The following KCNK10 variants were observed in gnomAD, a reference collection of about 807,000 sequenced individuals.
The protein encoded by KCNK10 is potassium channel subfamily K member 10.
KCNK10 carries 25 observed loss-of-function variants against 47.7 expected under a neutral mutation model. The observed-to-expected ratio is 0.52, with a 90% confidence interval of 0.38 to 0.73. The LOEUF (loss-of-function observed/expected upper bound fraction) is 0.73. KCNK10 is among the 30% of genes least tolerant of loss of function. The pLI is 0.00. For synonymous variants in KCNK10, 303 were observed against 285.6 expected (o/e 1.06, Z -0.61); for missense variants, 563 against 714.5 (o/e 0.79, Z 2.42).
chr14:88,325,150 G>A (rs1384970504), upstream of KCNK10, among the ~76,000 whole-genome samples: 1 of 152,118 alleles, frequency 6.6e-6, no homozygotes, highest in Non-Finnish European at 1.5e-5. Flanking sequence ...GCCATGCCCC[G>A]AGACACCAGT....
chr14:88,220,006 G>C (rs578076436), intron 4 of KCNK10, among the ~76,000 whole-genome samples: 11 of 152,226 alleles, frequency 7.2e-5, no homozygotes, highest in African/African-American at 2.4e-4. Context: ...GACAGAAGGG[G>C]AAATCTACAG....
At chr14:88,210,240 G>T (rs1229365045) in intron 4 of KCNK10, among the ~76,000 whole-genome samples, 1 of 152,206 alleles carries the variant, frequency 6.6e-6, no homozygotes, top group Non-Finnish European at 1.5e-5. Context: ...ACCCAAGGTG[G>T]TGTGACTTCA....
chr14:88,198,032 G>T (rs146334852), intron 4 of KCNK10, among the ~76,000 whole-genome samples: 213 of 152,368 alleles, frequency 1.4e-3, no homozygotes, highest in African/African-American at 5.0e-3. Context: ...GCAAAGCTTA[G>T]TACCTAATGA....
At chr14:88,211,894 CA>C (rs59401189) in intron 4 of KCNK10, among the ~76,000 whole-genome samples, 30,309 of 113,580 alleles carry the variant, frequency 0.27, 3,406 homozygotes, top group Non-Finnish European at 0.34. Context: ...GACTTCATCT[CA>C]AAAAAAAAAA....
At chr14:88,303,792 T>A (rs1888153687) in intron 1 of KCNK10, among the ~76,000 whole-genome samples, 1 of 152,166 alleles carries the variant, frequency 6.6e-6, no homozygotes, top group Non-Finnish European at 1.5e-5. Context: ...TTCTTTTTTT[T>A]ATCAATGATG....
intron 4 of KCNK10, among the ~76,000 whole-genome samples, chr14:88,205,537 CTTTTCT>C: frequency 1.5e-5 from 2 of 135,466 alleles, no homozygotes; most frequent in South Asian, 2.6e-4. Flanking sequence ...CTTTTCTTTT[CTTTTCT>C]TTTTTTTTTT....
intron 4 of KCNK10, among the ~76,000 whole-genome samples, chr14:88,207,274 G>T (rs553711771): frequency 6.8e-6 from 1 of 147,052 alleles, no homozygotes; most frequent in East Asian, 2.1e-4. Flanking sequence ...CCAGGTTCAC[G>T]CCATTCTCCT....
intron 1 of KCNK10, among the ~76,000 whole-genome samples, chr14:88,312,111 G>A (rs978952571): frequency 2.6e-5 from 4 of 152,046 alleles, no homozygotes; most frequent in African/African-American, 9.7e-5. Flanking sequence ...TCATTCTCAA[G>A]TCCACGGTGC....
Position 88,322,640 on chromosome 14 carries a change from G to T in KCNK10, c.52+107C>A. ...CTGCAGTTCCCAGGCGCATTTCCCA[G>T]CCTCAGGACACACGCTGCCAGAAGC... On this transcript the variant is annotated intron_variant, in intron 1 of 6. Transcript: ENST00000319231. The surrounding 1 kb of genome is among the most constrained non-coding windows in gnomAD (Gnocchi z 4.8). 1 of 1,492,334 alleles carries T rather than the reference G, an allele frequency of 6.7e-7. No individual in the cohort carries two copies. Among genetic ancestry groups the T allele is most frequent in the Non-Finnish European group, 9.3e-7 (1 of 1,077,376 alleles). The allele number at this position is 1,492,334 out of a possible 1,614,324, so 92.4% of individuals were successfully genotyped here. A position where few individuals can be genotyped will look rare whatever the true frequency, so the allele number is the denominator to read the frequency against.
At chr14:88,311,346 G>A (rs1888324645) in intron 1 of KCNK10, among the ~76,000 whole-genome samples, 1 of 151,646 alleles carries the variant, frequency 6.6e-6, no homozygotes, top group East Asian at 1.9e-4. Context: ...GAAAAAAAGA[G>A]TTCCTTAGTA....
intron 4 of KCNK10, among the ~76,000 whole-genome samples, chr14:88,199,071 C>T (rs12886506): frequency 0.2 from 30,090 of 151,816 alleles, 3,310 homozygotes; most frequent in East Asian, 0.41. Flanking sequence ...AGGAGCGCAC[C>T]GCCACGCCCA....
intron 1 of KCNK10, among the ~76,000 whole-genome samples, chr14:88,265,539 CAAT>C (rs1167049704): frequency 2.0e-5 from 3 of 152,160 alleles, no homozygotes; most frequent in Admixed American, 6.5e-5. Context: ...CAGAACCATA[CAAT>C]AATAAATTAG....
At chr14:88,243,443 C>CCT (rs1370098362) in intron 2 of KCNK10, among the ~76,000 whole-genome samples, 3 of 152,198 alleles carry the variant, frequency 2.0e-5, no homozygotes, top group Admixed American at 6.5e-5. Flanking sequence ...TTTTGCCTTT[C>CCT]CTCTACCTTT....
rs1566721497 is a variant in KCNK10 at position 88,310,217 on chromosome 14, C to CCATATG, written c.52+12529_52+12530insCATATG. Among the ~76,000 whole-genome samples the CCATATG allele has an allele frequency of 5.7e-4, 53 of 92,178 alleles. 2 individuals are homozygous for CCATATG. The highest frequency in any genetic ancestry group is 2.1e-3 in the African/African-American group (43 of 20,648). The allele number at this position is 92,178 out of a possible 152,430, so 60.5% of individuals were successfully genotyped here. ...TCATATGGTATATGATATACCATAT[C>CCATATG]ATATGGTATATGATATACCATATAA... On this transcript the variant is annotated intron_variant, in intron 1 of 6. Coordinates refer to ENST00000319231, the MANE Select transcript of KCNK10 (RefSeq NM_138317.3).
At position 88,185,901 on chromosome 14, in the gene KCNK10, G is replaced by A; in HGVS notation, c.1266C>T (p.Asn422=). ...RFKASSQESI[N]NRPNNLRLKG... Reference sequence around the variant, plus strand: ...TCAGGCGCAGGTTGTTGGGCCGGTTGTTGATGCTCTCCTGGGATGAGGCCT... The same window carrying A: ...TCAGGCGCAGGTTGTTGGGCCGGTTATTGATGCTCTCCTGGGATGAGGCCT... Residue 422 remains asparagine, a synonymous_variant, in exon 7 of 7, where the codon AAC becomes AAT. Coordinates refer to ENST00000319231, the MANE Select transcript of KCNK10 (RefSeq NM_138317.3). The surrounding 1 kb of genome is among the most constrained non-coding windows in gnomAD (Gnocchi z 4.3). 1 of 1,614,082 alleles carries A rather than the reference G, an allele frequency of 6.2e-7. No homozygotes were observed. Among genetic ancestry groups the A allele is most frequent in the Non-Finnish European group, 8.5e-7 (1 of 1,180,024 alleles).
intron 4 of KCNK10, among the ~76,000 whole-genome samples, chr14:88,211,293 C>A (rs1419418124): frequency 2.0e-5 from 3 of 152,134 alleles, no homozygotes; most frequent in Non-Finnish European, 4.4e-5. Context: ...ACATGAGGTT[C>A]CCGGAGTGGT....
At chr14:88,325,365 G>A (rs775034612), upstream of KCNK10, among the ~76,000 whole-genome samples, 1 of 152,154 alleles carries the variant, frequency 6.6e-6, no homozygotes, top group Admixed American at 6.5e-5. Flanking sequence ...CAGAGCACGG[G>A]GAGGCAAGAT....
intron 1 of KCNK10, among the ~76,000 whole-genome samples, chr14:88,274,445 C>T (rs978547382): frequency 2.7e-5 from 4 of 148,226 alleles, no homozygotes; most frequent in Admixed American, 2.1e-4. Flanking sequence ...GCTGTAATTC[C>T]AGCTACTCAG....
At chr14:88,286,186 C>A (rs1469044025) in intron 1 of KCNK10, among the ~76,000 whole-genome samples, 2 of 152,180 alleles carry the variant, frequency 1.3e-5, no homozygotes, top group Non-Finnish European at 2.9e-5. Context: ...CCTCCCCTAA[C>A]CCCACAGACA....
Sources: allele counts gnomAD v4.1 joint callset (sites outside exome capture counted in the v4.1 genomes callset), GRCh38; gene constraint gnomAD v4.1.1; non-coding constraint Gnocchi (gnomAD v3.1); transcripts MANE v1.5; gene names NCBI Gene and HGNC (gene_info 2026-07-23, HGNC 2026-07-21).